Variants in FAM53B observed in about 807,000 individuals in gnomAD.
FAM53B encodes the protein family with sequence similarity 53 member B.
A neutral mutation model predicts 32.7 loss-of-function variants in FAM53B; 12 were observed. The ratio of observed to expected loss-of-function variants is 0.37; its 90% CI spans 0.24 to 0.59. The LOEUF is 0.59. Ranked by LOEUF, FAM53B falls within the 20% of genes least tolerant of loss-of-function variation. The pLI, the probability that FAM53B is intolerant of heterozygous loss-of-function variation, is 0.72. For missense variants in FAM53B, 477 were observed against 577.7 expected, an observed-to-expected ratio of 0.83 and a Z score of 1.79; for synonymous variants, 234 against 228.7, an observed-to-expected ratio of 1.02 and a Z score of -0.21.
At chr10:124,697,759 C>T (rs577358063) in intron 2 of FAM53B, among the ~76,000 whole-genome samples, 5 of 152,164 alleles carry the variant, frequency 3.3e-5, no homozygotes, top group South Asian at 4.1e-4. Flanking sequence ...GGAAGGGGAA[C>T]GGGGCAGTCC....
chr10:124,623,742 G>A (rs900580913), intron 4 of FAM53B, 138 bp from the exon 5 acceptor site: 1 of 981,932 alleles, frequency 1.0e-6, no homozygotes, highest in Non-Finnish European at 1.4e-6. Flanking sequence ...TCCAGGCAAG[G>A]ACGGGCCCAT....
At chr10:124,730,255 C>A (rs1396444597) in intron 1 of FAM53B, among the ~76,000 whole-genome samples, 2 of 152,166 alleles carry the variant, frequency 1.3e-5, no homozygotes, top group Non-Finnish European at 2.9e-5. Flanking sequence ...GGTATGAATA[C>A]ATAAAAATGG....
At chr10:124,669,728 G>C (rs1949695353) in intron 4 of FAM53B, among the ~76,000 whole-genome samples, 1 of 152,200 alleles carries the variant, frequency 6.6e-6, no homozygotes, top group Non-Finnish European at 1.5e-5. Context: ...ATGGAGACAT[G>C]GGGGCCCACG....
In FAM53B at chr10:124,627,537, T is replaced by G. The variant is rs374916258; in HGVS notation, c.907-3933A>C. 2.0e-5 allele frequency among the ~76,000 whole-genome samples: 3 copies of G among 151,372 alleles called. No individual in the cohort carries two copies. In the South Asian group the frequency reaches 6.4e-4, roughly 32 times the overall value. On this transcript the variant is annotated intron_variant, in intron 4 of 4. Transcript: ENST00000337318. ...CTCTCTTGACATCCAGCCCCAGCCC[T>G]GGGCTGGGCCACCTACTCTGGAACA...
At chr10:124,717,208 G>C (rs575624722) in intron 1 of FAM53B, among the ~76,000 whole-genome samples, 2 of 152,262 alleles carry the variant, frequency 1.3e-5, no homozygotes, top group African/African-American at 4.8e-5. Context: ...TCCCTCATGA[G>C]TCAAATAGGA....
rs2134102355 is a variant in FAM53B, at chr10:124,732,348, C to T, written c.-175+11665G>A. 1.3e-5 allele frequency among the ~76,000 whole-genome samples: 2 copies of T among 152,310 alleles called. 1 individual carries two copies. Among genetic ancestry groups the T allele is most frequent in the South Asian group, 4.2e-4 (2 of 4,818 alleles). On this transcript the variant is annotated intron_variant, in intron 1 of 4. Transcript: ENST00000337318. Reference sequence around the variant, plus strand: ...CCACCCAGAAACCGGGCAGGATCAGCCACGCTCAGTCGTCGTCTTACAAGT... The same window carrying T: ...CCACCCAGAAACCGGGCAGGATCAGTCACGCTCAGTCGTCGTCTTACAAGT...
chr10:124,673,905 GA>G (rs1434844963), intron 4 of FAM53B, among the ~76,000 whole-genome samples: 2 of 152,238 alleles, frequency 1.3e-5, no homozygotes, highest in African/African-American at 4.8e-5. Flanking sequence ...CACCTGGGCA[GA>G]TGCATGCATG....
At chr10:124,735,646 A>T (rs1019621132) in intron 1 of FAM53B, among the ~76,000 whole-genome samples, 7 of 152,194 alleles carry the variant, frequency 4.6e-5, no homozygotes, top group African/African-American at 1.7e-4. Flanking sequence ...TGCCTGACTC[A>T]TGTCCTTCCA....
chr10:124,709,243 G>C (rs1296960034), intron 1 of FAM53B, among the ~76,000 whole-genome samples: 1 of 152,160 alleles, frequency 6.6e-6, no homozygotes, highest in Non-Finnish European at 1.5e-5. Context: ...AGTAGGAGGC[G>C]GCCAGTAGAA....
At chr10:124,734,015 C>A (rs955287419) in intron 1 of FAM53B, among the ~76,000 whole-genome samples, 2 of 152,230 alleles carry the variant, frequency 1.3e-5, no homozygotes, top group African/African-American at 4.8e-5. Context: ...TCTGTCTAAA[C>A]TCCTGCTCAT....
chr10:124,686,595 C>T (rs189205198), intron 3 of FAM53B, among the ~76,000 whole-genome samples: 84 of 152,340 alleles, frequency 5.5e-4, no homozygotes, highest in African/African-American at 1.9e-3. Context: ...TCGTACAGCA[C>T]GTATGTACCT....
chr10:124,704,587 C>T (rs1241534963), intron 2 of FAM53B, among the ~76,000 whole-genome samples: 1 of 152,138 alleles, frequency 6.6e-6, no homozygotes, highest in African/African-American at 2.4e-5. Flanking sequence ...AGTGCAAAGG[C>T]CTGAGGCAGG....
intron 3 of FAM53B, among the ~76,000 whole-genome samples, chr10:124,687,687 G>T (rs1289097678): frequency 6.6e-6 from 1 of 152,138 alleles, no homozygotes. Context: ...GCATCCTTTG[G>T]GGGTGTTTGT....
At chr10:124,671,036 G>A (rs1454222948) in intron 4 of FAM53B, 3 of 416,834 alleles carry the variant, frequency 7.2e-6, no homozygotes, top group Non-Finnish European at 1.0e-5. Context: ...CCCCGCTGGA[G>A]AACGTTAGAC....
At chr10:124,690,273 C>A (rs1163627285) in intron 3 of FAM53B, among the ~76,000 whole-genome samples, 2 of 152,252 alleles carry the variant, frequency 1.3e-5, no homozygotes, top group African/African-American at 4.8e-5. Context: ...CGTGACTCAT[C>A]TCATGGGTTG....
At position 124,720,223 on chromosome 10, in the gene FAM53B, C is replaced by T. The variant is rs1950061137; in HGVS notation, c.-174-13336G>A. On this transcript the variant is annotated intron_variant, in intron 1 of 4. Coordinates refer to ENST00000337318, the MANE Select transcript of FAM53B (RefSeq NM_014661.4). ...TGGCCACCTCGATCAGGAGCAGACC[C>T]AAGGGAGGTGGCATAGATATGTTCT... Among the ~76,000 whole-genome samples, 6 of 150,940 alleles carry T rather than the reference C, an allele frequency of 4.0e-5. No homozygotes were observed. The South Asian group carries it at 1.3e-3, about 32-fold the overall frequency.
intron 1 of FAM53B, among the ~76,000 whole-genome samples, chr10:124,730,596 G>A (rs1950136298): frequency 1.3e-5 from 2 of 152,192 alleles, no homozygotes; most frequent in East Asian, 1.9e-4. Context: ...TCCCCACACT[G>A]GGACACAGTC....
chr10:124,717,360 G>C (rs1258061621), intron 1 of FAM53B, among the ~76,000 whole-genome samples: 3 of 152,248 alleles, frequency 2.0e-5, no homozygotes, highest in African/African-American at 7.2e-5. Context: ...ACTCTGGAGA[G>C]AGCATGAAAA....
At chr10:124,677,358 G>A (rs765373262) in intron 4 of FAM53B, among the ~76,000 whole-genome samples, 1 of 152,240 alleles carries the variant, frequency 6.6e-6, no homozygotes, top group Non-Finnish European at 1.5e-5. Flanking sequence ...AAGGAAGGCT[G>A]CAGCCTCACA....
Sources: gnomAD v4.1 joint callset for allele counts (sites outside exome capture counted in the v4.1 genomes callset) on GRCh38, gnomAD v4.1.1 for gene constraint, MANE v1.5 for transcripts, NCBI Gene and HGNC (gene_info 2026-07-23, HGNC 2026-07-21) for gene names.